Variants in CPVL observed in about 807,000 individuals in gnomAD.
The protein encoded by CPVL is carboxypeptidase vitellogenic like.
In CPVL, 51 loss-of-function variants were observed where a neutral mutation model predicts 63.7. That is an observed-to-expected ratio of 0.80 (90% CI 0.64 to 1.01). The LOEUF is 1.01. Among genes scored for constraint, CPVL ranks in the 50% least tolerant of loss-of-function variants. The pLI is 0.00. For missense variants in CPVL, 530 were observed against 573.1 expected (o/e 0.92, Z 0.77); for synonymous variants, 195 against 206.0 (o/e 0.95, Z 0.46).
intron 7 of CPVL, among the ~76,000 whole-genome samples, chr7:29,082,108 T>C (rs1784778891): frequency 6.6e-6 from 1 of 152,228 alleles, no homozygotes; most frequent in Non-Finnish European, 1.5e-5. Context: ...AATTAAGAGT[T>C]TAGAAGAGAA....
chr7:29,045,462 T>C (rs1012226623), intron 11 of CPVL, among the ~76,000 whole-genome samples: 11 of 152,256 alleles, frequency 7.2e-5, no homozygotes, highest in African/African-American at 2.7e-4. Flanking sequence ...ATAAATGTCC[T>C]AGAGTTAGCT....
intron 12 of CPVL, among the ~76,000 whole-genome samples, chr7:29,021,412 G>A (rs1786964943): frequency 6.6e-6 from 1 of 152,100 alleles, no homozygotes; most frequent in Non-Finnish European, 1.5e-5. Context: ...GACCAGAATG[G>A]CAAATAGATA....
intron 11 of CPVL, among the ~76,000 whole-genome samples, chr7:29,059,398 A>G (rs1791052808): frequency 6.6e-6 from 1 of 152,210 alleles, no homozygotes; most frequent in African/African-American, 2.4e-5. Flanking sequence ...ATATCATAAG[A>G]AAAAAGAAAA....
chr7:29,131,714 T>G (rs566880689), intron 1 of CPVL, among the ~76,000 whole-genome samples: 1 of 152,348 alleles, frequency 6.6e-6, no homozygotes, highest in South Asian at 2.1e-4. Context: ...AATTTTGCCA[T>G]GTTGGCCAGG....
At chr7:29,131,740 T>C (rs546780559) in intron 1 of CPVL, among the ~76,000 whole-genome samples, 2 of 152,352 alleles carry the variant, frequency 1.3e-5, no homozygotes, top group East Asian at 3.9e-4. Context: ...CTCGAGCTCC[T>C]GGGCTCAAGC....
chr7:29,051,226 G>A (rs1265413646), intron 11 of CPVL, among the ~76,000 whole-genome samples: 1 of 152,160 alleles, frequency 6.6e-6, no homozygotes, highest in Non-Finnish European at 1.5e-5. Flanking sequence ...AAAAGCAAAT[G>A]CAATAAAAAC....
chr7:29,110,871 C>T (rs1562774071), intron 3 of CPVL, among the ~76,000 whole-genome samples: 1 of 152,208 alleles, frequency 6.6e-6, no homozygotes, highest in African/African-American at 2.4e-5. Flanking sequence ...GAGAAGGAAA[C>T]ATGACCATGG....
chr7:29,115,642 A>C (rs201517410), intron 2 of CPVL, among the ~76,000 whole-genome samples: 7 of 13,858 alleles, frequency 5.1e-4, no homozygotes, highest in South Asian at 4.0e-3. Flanking sequence ...CCTGCCTCCC[A>C]AAAAAAAAAA....
At chr7:29,015,604 G>A (rs560963894) in intron 12 of CPVL, among the ~76,000 whole-genome samples, 4 of 152,262 alleles carry the variant, frequency 2.6e-5, no homozygotes, top group East Asian at 1.9e-4. Context: ...CATGCTTCCC[G>A]TACAGCCTGC....
At chr7:29,009,032 G>A (rs1785506582) in intron 12 of CPVL, 1 of 151,760 alleles carries the variant, frequency 6.6e-6, no homozygotes, top group Non-Finnish European at 1.5e-5. Context: ...ATAACTTTCT[G>A]ATTTTTTTTT....
intron 2 of CPVL, among the ~76,000 whole-genome samples, chr7:29,116,169 G>A (rs1390192452): frequency 6.6e-6 from 1 of 152,102 alleles, no homozygotes; most frequent in Non-Finnish European, 1.5e-5. Context: ...TACTGACAAG[G>A]CACCAAGATT....
chr7:29,137,183 G>C (rs1791312702), intron 1 of CPVL, among the ~76,000 whole-genome samples: 1 of 152,178 alleles, frequency 6.6e-6, no homozygotes, highest in Admixed American at 6.5e-5. Context: ...TAAGGACATG[G>C]ACACGCACAA....
At chr7:29,176,013 C>T (rs1562809131) in intron 5 of CPVL, among the ~76,000 whole-genome samples, 1 of 151,962 alleles carries the variant, frequency 6.6e-6, no homozygotes. Context: ...GGTGAAACCC[C>T]GTCTCTACTA....
intron 5 of CPVL, among the ~76,000 whole-genome samples, chr7:29,154,189 T>C (rs1322917465): frequency 6.6e-6 from 1 of 152,134 alleles, no homozygotes; most frequent in Non-Finnish European, 1.5e-5. Flanking sequence ...GGTGGGCTTC[T>C]CATTGCAGAA....
At chr7:29,086,575 C>T in intron 6 of CPVL, 25 bp from the exon 7 acceptor site, 1 of 1,510,186 alleles carries the variant, frequency 6.6e-7, no homozygotes, top group Non-Finnish European at 9.2e-7. Flanking sequence ...ACAAGAACAA[C>T]ACAAATTAAT....
chr7:29,090,163 A>T (rs1562763627), intron 6 of CPVL, among the ~76,000 whole-genome samples: 1 of 152,054 alleles, frequency 6.6e-6, no homozygotes, highest in Admixed American at 6.5e-5. Context: ...ACACCTGGCC[A>T]CCCTTGAATT....
intron 1 of CPVL, among the ~76,000 whole-genome samples, chr7:29,140,739 C>T (rs147269364): frequency 2.0e-5 from 3 of 152,162 alleles, no homozygotes; most frequent in Non-Finnish European, 4.4e-5. Context: ...CGCACCCTCT[C>T]TCCAAAGACT....
chr7:29,071,707 TCA>T, intron 9 of CPVL, 64 bp downstream of exon 9: 3 of 867,446 alleles, frequency 3.5e-6, no homozygotes, highest in Non-Finnish European at 5.5e-6. Context: ...GTGTTCCTGC[TCA>T]CCCGCCCTCC....
intron 1 of CPVL, among the ~76,000 whole-genome samples, chr7:29,130,908 G>A (rs1017676076): frequency 4.6e-5 from 7 of 152,208 alleles, no homozygotes; most frequent in Admixed American, 1.3e-4. Context: ...CTTCATAATG[G>A]ATTTCTAGTG....
Sources: gnomAD v4.1 joint callset for allele counts (sites outside exome capture counted in the v4.1 genomes callset) on GRCh38, gnomAD v4.1.1 for gene constraint, MANE v1.5 for transcripts, NCBI Gene and HGNC (gene_info 2026-07-23, HGNC 2026-07-21) for gene names.